FAM178B: variants seen among roughly 807,000 people sequenced by gnomAD.
FAM178B encodes the protein family with sequence similarity 178 member B, also known as protein FAM178B.
A neutral mutation model predicts 91.7 loss-of-function variants in FAM178B; 82 were observed. That is an observed-to-expected ratio of 0.89 (90% confidence interval 0.75 to 1.07). The LOEUF is 1.07. Ranked by LOEUF, FAM178B falls within the 50% of genes least tolerant of loss-of-function variation. FAM178B has a pLI of 0.00. For missense variants in FAM178B, 769 were observed against 846.7 expected, an observed-to-expected ratio of 0.91 and a Z score of 1.14; for synonymous variants, 368 against 359.4, an observed-to-expected ratio of 1.02 and a Z score of -0.27.
chr2:96,881,270 C>CAAA (rs1168855038), intron 14 of FAM178B, among the ~76,000 whole-genome samples: 9 of 64,362 alleles, frequency 1.4e-4, no homozygotes, highest in Admixed American at 7.4e-4. Context: ...AAGCTGGTCT[C>CAAA]AAAAAAAAAA....
chr2:96,929,419 A>G (rs2081503647), intron 8 of FAM178B, 99 bp from the exon 9 acceptor site: 1 of 860,664 alleles, frequency 1.2e-6, no homozygotes, highest in South Asian at 1.5e-5. Flanking sequence ...GGCCCAAGAT[A>G]ACCAGTTTTT....
rs527699528 is a variant in FAM178B at position 96,922,025 on chromosome 2, G to A, written c.1288-371C>T. On this transcript the variant is annotated intron_variant, in intron 10 of 16. Transcript: ENST00000490605. The stretch of plus-strand genomic sequence containing the variant: ...TGATAAAACAGGTTGCAGTAAAGAG[G>A]CTGGCCAGATACCACCAAAACCAAG... 2.0e-5 allele frequency among the ~76,000 whole-genome samples: 3 copies of A among 152,222 alleles called. No individual in the cohort carries two copies. In the South Asian group the frequency reaches 6.2e-4, roughly 32 times the overall value.
chr2:96,912,870 C>T (rs536140176), intron 12 of FAM178B, among the ~76,000 whole-genome samples: 1 of 152,316 alleles, frequency 6.6e-6, no homozygotes, highest in East Asian at 1.9e-4. Context: ...CACCCGCCCA[C>T]AGTGAGAGCT....
chr2:96,961,458 A>C (rs1264769062), intron 5 of FAM178B, among the ~76,000 whole-genome samples: 1 of 152,204 alleles, frequency 6.6e-6, no homozygotes, highest in Non-Finnish European at 1.5e-5. Flanking sequence ...AGGGAGCAGA[A>C]TCAGAGGGAG....
chr2:96,979,186 AG>A (rs1228601889), intron 1 of FAM178B, among the ~76,000 whole-genome samples: 1 of 150,358 alleles, frequency 6.7e-6, no homozygotes, highest in African/African-American at 2.5e-5. Context: ...CACGTTGGCC[AG>A]GATGGTCTCC....
chr2:96,980,307 C>T (rs972601653), intron 1 of FAM178B, among the ~76,000 whole-genome samples: 1 of 152,154 alleles, frequency 6.6e-6, no homozygotes, highest in Admixed American at 6.5e-5. Context: ...AACTCCTGAG[C>T]TCAAGTGATC....
chr2:96,918,540 A>G lies in FAM178B; in HGVS notation c.1562+2625T>C, dbSNP rs543097779. Among the ~76,000 whole-genome samples the G allele has an allele frequency of 3.9e-5, 6 of 152,356 alleles. No homozygotes were observed. The South Asian group carries it at 1.2e-3, about 32-fold the overall frequency. On this transcript the variant is annotated intron_variant, in intron 12 of 16. Transcript: ENST00000490605. ...TTAATGAGAATGCAGAAAAATATGC[A>G]CTTTCATACCTATTTGGTGGTGTTA... is the stretch of plus-strand genomic sequence containing the variant.
At chr2:96,923,218 C>G (rs2081374408) in intron 10 of FAM178B, among the ~76,000 whole-genome samples, 1 of 152,168 alleles carries the variant, frequency 6.6e-6, no homozygotes, top group Non-Finnish European at 1.5e-5. Context: ...AATGATCCAC[C>G]TGCCTCAGCC....
intron 1 of FAM178B, among the ~76,000 whole-genome samples, chr2:96,980,084 G>GT (rs755210529): frequency 2.0e-5 from 3 of 151,910 alleles, no homozygotes; most frequent in Non-Finnish European, 1.5e-5. Flanking sequence ...TTTTTTGTTT[G>GT]TTTTTTTGAG....
chr2:96,971,860 G>C (rs1193372609), intron 3 of FAM178B, 41 bp downstream of exon 3: 1 of 1,442,386 alleles, frequency 6.9e-7, no homozygotes, highest in Non-Finnish European at 9.1e-7. Flanking sequence ...GCTAAAGATG[G>C]GTAGCCAAGG....
At position 96,986,302 on chromosome 2, in the gene FAM178B, C is replaced by T; in HGVS notation, c.12G>A (p.Arg4=). ...GTGGAGCGAGGCCCGCACCTGGAAGCCTTGGCCACATAGGGCGGGAAGGGC... is the reference window on the plus strand; with the variant it reads ...GTGGAGCGAGGCCCGCACCTGGAAGTCTTGGCCACATAGGGCGGGAAGGGC... MWP[R]LPGAGLAPQL... Residue 4 remains arginine, a synonymous_variant, in exon 1 of 17, where the codon AGG becomes AGA. Coordinates refer to ENST00000490605, the MANE Select transcript of FAM178B (RefSeq NM_001122646.3). The T allele has an allele frequency of 1.3e-6, 2 of 1,534,246 alleles. No homozygotes were observed. The highest frequency in any genetic ancestry group is 1.7e-6 in the Non-Finnish European group (2 of 1,146,730).
At chr2:96,968,078 G>A (rs891362189) in intron 4 of FAM178B, among the ~76,000 whole-genome samples, 38 of 151,736 alleles carry the variant, frequency 2.5e-4, no homozygotes, top group African/African-American at 8.5e-4. Flanking sequence ...GCAAGCACTC[G>A]GATTCGTTCT....
intron 6 of FAM178B, among the ~76,000 whole-genome samples, chr2:96,953,929 A>G (rs1208711160): frequency 1.3e-5 from 2 of 152,354 alleles, no homozygotes; most frequent in South Asian, 2.1e-4. Context: ...TGGGCTGGGA[A>G]GCCTGGAGGA....
At chr2:96,925,911 C>T (rs2081429765) in intron 9 of FAM178B, among the ~76,000 whole-genome samples, 1 of 152,232 alleles carries the variant, frequency 6.6e-6, no homozygotes, top group Non-Finnish European at 1.5e-5. Flanking sequence ...AGAGCTGCCT[C>T]TTTAATCAAT....
At position 96,876,234 on chromosome 2, in the gene FAM178B, C is replaced by G; in HGVS notation, c.*42G>C. 6.3e-7 allele frequency: 1 copy of G among 1,594,254 alleles called. No homozygotes were observed. Among genetic ancestry groups the G allele is most frequent in the Non-Finnish European group, 8.6e-7 (1 of 1,169,084 alleles). On this transcript the variant is annotated 3_prime_UTR_variant, in exon 17 of 17. Transcript: ENST00000490605. ...CCAGTTCCCTGAGCCTGTTCACTTC[C>G]TGCTGAAGCCAGGAGCCCTGGGCTG...
intron 4 of FAM178B, among the ~76,000 whole-genome samples, chr2:96,967,958 T>C (rs917811859): frequency 8.4e-5 from 11 of 130,330 alleles, no homozygotes; most frequent in Non-Finnish European, 1.8e-4. Context: ...CATCACTGTG[T>C]TGCCTAGGCC....
rs1211023713 is a variant in FAM178B at position 96,878,407 on chromosome 2, G to T, written c.1854+9C>A. On this transcript the variant is annotated intron_variant, in intron 15 of 16. Coordinates refer to ENST00000490605, the MANE Select transcript of FAM178B (RefSeq NM_001122646.3). ...CCCCCACCACAGCCCTGCCCCTTGG[G>T]AGACTCACCCACTGGTCTGGAGTGA... The T allele has an allele frequency of 1.9e-6, 3 of 1,613,552 alleles. No homozygotes were observed. Among genetic ancestry groups the T allele is most frequent in the Non-Finnish European group, 1.7e-6 (2 of 1,179,744 alleles).
chr2:96,891,316 C>G (rs1489958828), intron 14 of FAM178B, among the ~76,000 whole-genome samples: 1 of 152,196 alleles, frequency 6.6e-6, no homozygotes, highest in Non-Finnish European at 1.5e-5. Flanking sequence ...GAGCCTCCTG[C>G]AGGAGAAGGC....
chr2:96,923,903 CAG>C (rs1266503646), intron 9 of FAM178B, among the ~76,000 whole-genome samples: 2 of 152,254 alleles, frequency 1.3e-5, no homozygotes, highest in East Asian at 1.9e-4. Context: ...GGCCTCTCCA[CAG>C]AGTTTCTCCA....
Sources: allele counts gnomAD v4.1 joint callset (sites outside exome capture counted in the v4.1 genomes callset), GRCh38; gene constraint gnomAD v4.1.1; transcripts MANE v1.5; gene names NCBI Gene and HGNC (gene_info 2026-07-23, HGNC 2026-07-21).